NDUFA11: variants seen among roughly 807,000 people sequenced by gnomAD.
NDUFA11 encodes the protein NADH dehydrogenase [ubiquinone] 1 alpha subcomplex subunit 11.
A neutral mutation model predicts 11.3 loss-of-function variants in NDUFA11; 14 were observed. The observed-to-expected ratio is 1.24, with a 90% CI of 0.82 to 1.94. The LOEUF (loss-of-function observed/expected upper bound fraction) is 1.94. Ranked by LOEUF, NDUFA11 falls within the 30% of genes most tolerant of loss-of-function variation. The pLI is 0.00. For missense variants in NDUFA11, 204 were observed against 200.3 expected (o/e 1.02, Z -0.11); for synonymous variants, 87 against 85.6 (o/e 1.02, Z -0.09).
intron 1 of NDUFA11, among the ~76,000 whole-genome samples, chr19:5,901,900 T>C (rs2144961029): frequency 6.6e-6 from 1 of 152,148 alleles, no homozygotes; most frequent in Middle Eastern, 3.4e-3. Context: ...CTCGATCTCC[T>C]GACCTCGTGA....
At chr19:5,894,266 G>T (rs2144946296), downstream of NDUFA11, among the ~76,000 whole-genome samples, 1 of 152,344 alleles carries the variant, frequency 6.6e-6, no homozygotes, top group East Asian at 1.9e-4. Context: ...CAGGGCCTGG[G>T]CGTGTTTTCC....
In NDUFA11 at chr19:5,896,750, G is replaced by T; in HGVS notation, c.190+155C>A. Reference sequence around the variant, plus strand: ...TCTCCTGGGCCTCCCCACCCTACATGTATTCCTGATAAAGGAACACCCCAC... The same window carrying T: ...TCTCCTGGGCCTCCCCACCCTACATTTATTCCTGATAAAGGAACACCCCAC... On this transcript the variant is annotated intron_variant, in intron 2 of 3. Transcript: ENST00000308961. The surrounding 1 kb of genome is among the most constrained non-coding windows in gnomAD (Gnocchi z 5.8). 1 of 1,192,406 alleles carries T rather than the reference G, an allele frequency of 8.4e-7. No individual in the cohort carries two copies. Among genetic ancestry groups the T allele is most frequent in the Non-Finnish European group, 1.2e-6 (1 of 810,292 alleles). The allele number at this position is 1,192,406 out of a possible 1,614,324, so 73.9% of individuals were successfully genotyped here.
rs757769137 is a variant in NDUFA11 at position 5,896,506 on chromosome 19, G to A, written c.260C>T (p.Pro87Leu). Residue 87 changes from proline (P) to leucine (L), a missense_variant, in exon 3 of 4, where the codon CCC (proline) becomes CTC (leucine). Transcript: ENST00000308961. The surrounding 1 kb of genome is among the most constrained non-coding windows in gnomAD (Gnocchi z 5.8). ...SAHVREKPDD[P>L]LNYFLGGCAG... ...GCAGCCACCGAGGAAGTAGTTCAGG[G>A]GGTCGTCGGGCTTCTCGCGGACATG... is the stretch of plus-strand genomic sequence containing the variant. 1.3e-6 allele frequency: 2 copies of A among 1,572,488 alleles called. No individual in the cohort carries two copies. The highest frequency in any genetic ancestry group is 1.7e-6 in the Non-Finnish European group (2 of 1,159,250).
At chr19:5,892,923 T>A (rs1370628846), downstream of NDUFA11, 3 of 1,441,554 alleles carry the variant, frequency 2.1e-6, no homozygotes, top group Non-Finnish European at 1.8e-6. Flanking sequence ...AGAATCAAGT[T>A]CTGGGGTTCG....
chr19:5,903,615 C>A lies in NDUFA11; in HGVS notation c.94G>T (p.Ala32Ser), dbSNP rs1232570101. Residue 32 changes from alanine (A) to serine (S), a missense_variant, in exon 1 of 4, where the codon GCT (alanine) becomes TCT (serine). Transcript: ENST00000308961. The stretch of plus-strand genomic sequence containing the variant: ...TCGGGGCCCGGCCGGCGCTCACCAG[C>A]GACGCTGGCAATACTGGTGGTGCTG... Reference protein sequence around the residue: ...AYSTTSIASVAGLTAAAYRVT... With the variant: ...AYSTTSIASVSGLTAAAYRVT... 1 of 1,550,626 alleles carries A rather than the reference C, an allele frequency of 6.4e-7. No homozygotes were observed. The highest frequency in any genetic ancestry group is 8.7e-7 in the Non-Finnish European group (1 of 1,146,874).
At chr19:5,903,495 A>G (rs1027591977) in intron 1 of NDUFA11, 117 bp downstream of exon 1, 1 of 974,260 alleles carries the variant, frequency 1.0e-6, no homozygotes, top group Non-Finnish European at 1.5e-6. Context: ...CACCCCGATG[A>G]CAACCACGTG....
Position 5,896,589 on chromosome 19 carries a change from G to A in NDUFA11, c.191-14C>T, listed in dbSNP as rs374968729. Reference sequence around the variant, plus strand: ...CCCCGACAGCAGCTGCGGGGTAGACGGGAAGAGCAAGGGCCTCGAGACGGG... The same window carrying A: ...CCCCGACAGCAGCTGCGGGGTAGACAGGAAGAGCAAGGGCCTCGAGACGGG... On this transcript the variant is annotated splice_polypyrimidine_tract_variant and intron_variant, in intron 2 of 3. Transcript: ENST00000308961. The surrounding 1 kb of genome is among the most constrained non-coding windows in gnomAD (Gnocchi z 5.8). The A allele has an allele frequency of 3.3e-5, 51 of 1,560,734 alleles. No individual in the cohort carries two copies. Among genetic ancestry groups the A allele is most frequent in the Non-Finnish European group, 4.1e-5 (47 of 1,153,394 alleles).
Position 5,896,194 on chromosome 19 carries a change from G to T in NDUFA11, c.313+259C>A. On this transcript the variant is annotated intron_variant, in intron 3 of 3. Coordinates refer to ENST00000308961, the MANE Select transcript of NDUFA11 (RefSeq NM_175614.5). The surrounding 1 kb of genome is among the most constrained non-coding windows in gnomAD (Gnocchi z 5.8). ...GGGGCAGGACTGTACCTGGCATGTG[G>T]GAGGAGCAGTGAGGAGGCCCGTGTG... 1 of 600,844 alleles carries T rather than the reference G, an allele frequency of 1.7e-6. No individual in the cohort carries two copies. Among genetic ancestry groups the T allele is most frequent in the Non-Finnish European group, 3.0e-6 (1 of 337,836 alleles). The allele number at this position is 600,844 out of a possible 1,614,324, so 37.2% of individuals were successfully genotyped here. A position where few individuals can be genotyped will look rare whatever the true frequency, so the allele number is the denominator to read the frequency against.
downstream of NDUFA11, chr19:5,891,729 G>A (rs2057579377): frequency 6.5e-6 from 1 of 152,700 alleles, no homozygotes; most frequent in Non-Finnish European, 1.5e-5. Flanking sequence ...TGCTCTGCCT[G>A]GACCAGCCTC....
rs1387386628 is a variant in NDUFA11 at position 5,897,104 on chromosome 19, C to T, written c.98-107G>A. ...CCTCCCTCAGTCCTCACGATGCCCC[C>T]CTTCTTTGCCCATAGTGTCCCCGGC... On this transcript the variant is annotated intron_variant, in intron 1 of 3. Coordinates refer to ENST00000308961, the MANE Select transcript of NDUFA11 (RefSeq NM_175614.5). 8 of 869,620 alleles carry T rather than the reference C, an allele frequency of 9.2e-6. No homozygotes were observed. In the East Asian group the frequency reaches 2.0e-4, roughly 21 times the overall value. 53.9% of individuals were successfully genotyped at this position (869,620 alleles called of 1,614,324 possible).
intron 3 of NDUFA11, chr19:5,895,167 G>A (rs2057599978): frequency 5.0e-6 from 2 of 399,546 alleles, no homozygotes; most frequent in African/African-American, 2.0e-5. Flanking sequence ...GCTGGGCACC[G>A]GGCCATGGTG....
chr19:5,896,473 C>T lies in NDUFA11; in HGVS notation c.293G>A (p.Gly98Asp), dbSNP rs1215594862. 4.5e-6 allele frequency: 7 copies of T among 1,572,966 alleles called. No homozygotes were observed. In the South Asian group the frequency reaches 7.0e-5, roughly 16 times the overall value. ...CTCACTGCGTGCTCCCAGAGTCAGG[C>T]CTCCGGCGCAGCCACCGAGGAAGTA... ...LNYFLGGCAG[G>D]LTLGARTHNY... The change falls in exon 3 of 4, where the codon GGC (glycine) becomes GAC (aspartate). Residue 98 changes from glycine to aspartate, a missense_variant. Coordinates refer to ENST00000308961, the MANE Select transcript of NDUFA11 (RefSeq NM_175614.5). The surrounding 1 kb of genome is among the most constrained non-coding windows in gnomAD (Gnocchi z 5.8).
In NDUFA11 at chr19:5,896,648, T is replaced by C; in HGVS notation, c.191-73A>G. 1 of 1,546,994 alleles carries C rather than the reference T, an allele frequency of 6.5e-7. No homozygotes were observed. The highest frequency in any genetic ancestry group is 8.7e-7 in the Non-Finnish European group (1 of 1,144,578). ...GAGCCTCTTGGGCGCTCACTGCCAG[T>C]GTCTGGATGGAGAGAGATGCCACGA... On this transcript the variant is annotated intron_variant, in intron 2 of 3. Transcript: ENST00000308961. The surrounding 1 kb of genome is among the most constrained non-coding windows in gnomAD (Gnocchi z 5.8).
At chr19:5,901,401 A>T (rs915252466) in intron 1 of NDUFA11, 13 of 1,287,158 alleles carry the variant, frequency 1.0e-5, no homozygotes, top group Non-Finnish European at 1.3e-5. Context: ...CTTGCAGCCC[A>T]GCTTCAAATG....
Position 5,894,938 on chromosome 19 carries a change from G to A in NDUFA11, c.314-84C>T, listed in dbSNP as rs955690128. The A allele has an allele frequency of 8.9e-6, 13 of 1,464,062 alleles. No individual in the cohort carries two copies. The African/African-American group carries it at 1.8e-4, about 21-fold the overall frequency. The allele number at this position is 1,464,062 out of a possible 1,614,324, so 90.7% of individuals were successfully genotyped here. A position where few individuals can be genotyped will look rare whatever the true frequency, so the allele number is the denominator to read the frequency against. Reference sequence around the variant, plus strand: ...CCACGCCCTGGCCGGTGCCCACCCTGGGAGCCAGACTGAGACCCCTGACAG... The same window carrying A: ...CCACGCCCTGGCCGGTGCCCACCCTAGGAGCCAGACTGAGACCCCTGACAG... On this transcript the variant is annotated intron_variant, in intron 3 of 3. Coordinates refer to ENST00000308961, the MANE Select transcript of NDUFA11 (RefSeq NM_175614.5).
chr19:5,896,834 C>T lies in NDUFA11; in HGVS notation c.190+71G>A, dbSNP rs993403431. On this transcript the variant is annotated intron_variant, in intron 2 of 3. Transcript: ENST00000308961. The surrounding 1 kb of genome is among the most constrained non-coding windows in gnomAD (Gnocchi z 5.8). ...TGGGGAGTCAGAGAGAAGAGGCAGC[C>T]GTCAAATGTGCTCTGAGAGCTGGGG... 22 of 1,382,936 alleles carry T rather than the reference C, an allele frequency of 1.6e-5. No homozygotes were observed. The highest frequency in any genetic ancestry group is 4.3e-5 in the African/African-American group (3 of 70,270). The allele number at this position is 1,382,936 out of a possible 1,614,324, so 85.7% of individuals were successfully genotyped here.
At chr19:5,894,892 G>T (rs1348040518) in intron 3 of NDUFA11, 38 bp from the exon 4 acceptor site, 3 of 1,556,960 alleles carry the variant, frequency 1.9e-6, no homozygotes, top group East Asian at 4.8e-5. Context: ...CCCGGGTGGG[G>T]CTCGGCCGGA....
intron 1 of NDUFA11, among the ~76,000 whole-genome samples, chr19:5,898,963 C>T (rs1053929075): frequency 6.6e-5 from 10 of 151,678 alleles, no homozygotes; most frequent in Admixed American, 2.0e-4. Context: ...GTTGCTACTG[C>T]ATCCACGGTA....
downstream of NDUFA11, chr19:5,892,620 A>C: frequency 3.4e-6 from 1 of 292,124 alleles, no homozygotes; most frequent in Non-Finnish European, 6.4e-6. Flanking sequence ...GTGCGGAGGA[A>C]GGGATGGAAT....
Sources: allele counts gnomAD v4.1 joint callset (sites outside exome capture counted in the v4.1 genomes callset), GRCh38; gene constraint gnomAD v4.1.1; non-coding constraint Gnocchi (gnomAD v3.1); transcripts MANE v1.5; gene names NCBI Gene and HGNC (gene_info 2026-07-23, HGNC 2026-07-21).